DTX4: variants seen among roughly 807,000 people sequenced by gnomAD.
DTX4 encodes the protein E3 ubiquitin-protein ligase DTX4.
In DTX4, 28 loss-of-function variants were observed where a neutral mutation model predicts 57.6. The observed-to-expected ratio is 0.49, with a 90% CI of 0.36 to 0.67. The LOEUF is 0.67. Ranked by LOEUF, DTX4 falls within the 30% of genes least tolerant of loss-of-function variation. DTX4 has a pLI of 0.00. For missense variants in DTX4, 715 were observed against 836.8 expected, an observed-to-expected ratio of 0.85 and a Z score of 1.80; for synonymous variants, 316 against 331.0, an observed-to-expected ratio of 0.95 and a Z score of 0.49.
At position 59,189,291 on chromosome 11, in the gene DTX4, G is replaced by A; in HGVS notation, c.1127G>A (p.Ser376Asn). 6.4e-7 allele frequency: 1 copy of A among 1,565,014 alleles called. No individual in the cohort carries two copies. The change falls in exon 4 of 9, where the codon AGC (serine) becomes AAC (asparagine). Residue 376 changes from serine to asparagine, a missense_variant. Ser to Asn is a conservative substitution (Grantham distance 46). Coordinates refer to ENST00000227451, the MANE Select transcript of DTX4 (RefSeq NM_015177.2). Reference protein sequence around the residue: ...IKSIPGVSNTSRKTTKKQAKK... With the variant: ...IKSIPGVSNTNRKTTKKQAKK... ...TCCATCCCAGGGGTTTCCAACACAA[G>A]CCGCAAGACCACCAAAAAACAAGCC...
chr11:59,195,924 A>G (rs1055509572), intron 7 of DTX4, among the ~76,000 whole-genome samples: 3 of 152,214 alleles, frequency 2.0e-5, no homozygotes, highest in Non-Finnish European at 4.4e-5. Flanking sequence ...TTGTAATTTG[A>G]TAGCTATACT....
At chr11:59,173,187 C>T (rs749277725) in intron 1 of DTX4, among the ~76,000 whole-genome samples, 11 of 152,336 alleles carry the variant, frequency 7.2e-5, no homozygotes, top group Non-Finnish European at 1.6e-4. Context: ...CTGCCCTCAT[C>T]CCGTGGCGGC....
Position 59,172,712 on chromosome 11 carries a change from CGCGGGGGGCA to C in DTX4, c.121_130del (p.Gly41TrpfsTer20). On this transcript the variant is annotated frameshift_variant, in exon 1 of 9. Coordinates refer to ENST00000227451, the MANE Select transcript of DTX4 (RefSeq NM_015177.2). LOFTEE classifies it high-confidence loss of function. ...AGGCGGTGGTCCGCGCCGGCCCCCG[CGCGGGGGGCA>C]GCGTGGTGCTGGGCCAGGTGGACAG... 6.2e-7 allele frequency: 1 copy of C among 1,602,852 alleles called. No homozygotes were observed. The highest frequency in any genetic ancestry group is 8.5e-7 in the Non-Finnish European group (1 of 1,176,434).
rs760615287 is a variant in DTX4, at chr11:59,195,301, C to T, written c.1468C>T (p.His490Tyr). ...GAAGATGGAGTACCACCTCATCCCC[C>T]ACTCCTTGCCTGGCCACCCAGACTG... is the stretch of plus-strand genomic sequence containing the variant. Reference protein sequence around the residue: ...PGKMEYHLIPHSLPGHPDCKT... With the variant: ...PGKMEYHLIPYSLPGHPDCKT... Residue 490 changes from histidine to tyrosine, a missense_variant, in exon 7 of 9, where the codon CAC becomes TAC. His to Tyr is a moderately conservative substitution (Grantham distance 83). Transcript: ENST00000227451. 2.5e-6 allele frequency: 4 copies of T among 1,613,966 alleles called. No individual in the cohort carries two copies. Among genetic ancestry groups the T allele is most frequent in the Non-Finnish European group, 3.4e-6 (4 of 1,179,854 alleles).
chr11:59,189,964 T>C (rs1862576351), intron 4 of DTX4, among the ~76,000 whole-genome samples: 2 of 152,330 alleles, frequency 1.3e-5, no homozygotes, highest in South Asian at 4.2e-4. Flanking sequence ...CATTAGTTGT[T>C]AAATTTGACC....
intron 7 of DTX4, among the ~76,000 whole-genome samples, 168 bp downstream of exon 7, chr11:59,195,537 A>T (rs941848973): frequency 6.6e-6 from 1 of 151,780 alleles, no homozygotes; most frequent in African/African-American, 2.4e-5. Context: ...TATTGTTCTG[A>T]CTTTCCTATG....
rs753981551 is a variant in DTX4 at position 59,204,945 on chromosome 11, G to A, written c.*36G>A. On this transcript the variant is annotated 3_prime_UTR_variant, in exon 9 of 9. Coordinates refer to ENST00000227451, the MANE Select transcript of DTX4 (RefSeq NM_015177.2). ...GCTTTGAGGTGGGAGGGGCCATGGA[G>A]ACTGCAGGACAGGAAGTGAGGAGAG... is the stretch of plus-strand genomic sequence containing the variant. 2.6e-6 allele frequency: 4 copies of A among 1,527,116 alleles called. No individual in the cohort carries two copies. In the Admixed American group the frequency reaches 7.8e-5, roughly 30 times the overall value. The allele number at this position is 1,527,116 out of a possible 1,614,324, so 94.6% of individuals were successfully genotyped here.
chr11:59,181,604 A>G lies in DTX4; in HGVS notation c.212-135A>G. On this transcript the variant is annotated intron_variant, in intron 1 of 8. Transcript: ENST00000227451. ...GAGTTTCATTCAAAGCTGGCACTTC[A>G]GGCAGTGTCATGCCCAGTACACAGT... 4 of 1,259,306 alleles carry G rather than the reference A, an allele frequency of 3.2e-6. No individual in the cohort carries two copies. The South Asian group carries it at 6.1e-5, about 19-fold the overall frequency. The allele number at this position is 1,259,306 out of a possible 1,614,324, so 78.0% of individuals were successfully genotyped here.
At position 59,205,989 on chromosome 11, in the gene DTX4, A is replaced by G. The variant is rs918236439; in HGVS notation, c.*1080A>G. The stretch of plus-strand genomic sequence containing the variant: ...CTTTGACGTTCCTCACCTGTTGCCA[A>G]CCTATCCCGTAGTGAACTGAAACCC... On this transcript the variant is annotated 3_prime_UTR_variant, in exon 9 of 9. Transcript: ENST00000227451. 3.3e-5 allele frequency: 5 copies of G among 152,474 alleles called. No homozygotes were observed. The highest frequency in any genetic ancestry group is 1.3e-4 in the Admixed American group (2 of 15,308). The allele number at this position is 152,474 out of a possible 1,614,324, so 9.4% of individuals were successfully genotyped here. A position where few individuals can be genotyped will look rare whatever the true frequency, so the allele number is the denominator to read the frequency against.
Position 59,204,703 on chromosome 11 carries a change from G to T in DTX4, c.1654G>T (p.Asp552Tyr), listed in dbSNP as rs370876471. Reference protein sequence around the residue: ...KVLKLLLVAWDRRLIFAIGTS... With the variant: ...KVLKLLLVAWYRRLIFAIGTS... The stretch of plus-strand genomic sequence containing the variant: ...TCTGAAGCTGCTGCTCGTGGCCTGG[G>T]ATCGCCGCCTCATTTTTGCCATTGG... The change falls in exon 9 of 9, where the codon GAT (aspartate) becomes TAT (tyrosine). Residue 552 changes from aspartate to tyrosine, a missense_variant. Transcript: ENST00000227451. 4 of 1,613,458 alleles carry T rather than the reference G, an allele frequency of 2.5e-6. No individual in the cohort carries two copies. Among genetic ancestry groups the T allele is most frequent in the Non-Finnish European group, 3.4e-6 (4 of 1,179,672 alleles).
chr11:59,178,406 C>T (rs1862421239), intron 1 of DTX4, among the ~76,000 whole-genome samples: 2 of 152,214 alleles, frequency 1.3e-5, no homozygotes, highest in Admixed American at 1.3e-4. Context: ...CATAAATAGT[C>T]ATTCACACAC....
In DTX4 at chr11:59,177,701, A is replaced by AC. The variant is rs202116073; in HGVS notation, c.212-4031dup. On this transcript the variant is annotated intron_variant, in intron 1 of 8. Transcript: ENST00000227451. Reference sequence around the variant, plus strand: ...CCTTTAGAGTTCTCTGACACCCTTCACCCCCCCAGCTAGCCTTGAGGTCCC... The same window carrying AC: ...CCTTTAGAGTTCTCTGACACCCTTCACCCCCCCCAGCTAGCCTTGAGGTCCC... Among the ~76,000 whole-genome samples, 1,313 of 150,092 alleles carry AC rather than the reference A, an allele frequency of 8.7e-3. 13 individuals carry two copies. The highest frequency in any genetic ancestry group is 0.011 in the Non-Finnish European group (733 of 67,518).
chr11:59,189,029 G>C, intron 3 of DTX4, 133 bp from the exon 4 acceptor site: 1 of 1,141,662 alleles, frequency 8.8e-7, no homozygotes, highest in East Asian at 2.6e-5. Context: ...GGAAAGTACA[G>C]GGTAGAGAAT....
At chr11:59,179,587 C>T (rs1862437029) in intron 1 of DTX4, among the ~76,000 whole-genome samples, 1 of 152,230 alleles carries the variant, frequency 6.6e-6, no homozygotes, top group African/African-American at 2.4e-5. Flanking sequence ...CCCCTGGGTC[C>T]CCTCTCTGCT....
At chr11:59,193,841 G>T (rs114511810) in intron 6 of DTX4, among the ~76,000 whole-genome samples, 1 of 152,214 alleles carries the variant, frequency 6.6e-6, no homozygotes, top group East Asian at 1.9e-4. Context: ...TAAGCGAGTA[G>T]ACTGGAGAAG....
chr11:59,203,498 T>A (rs1307114462), intron 8 of DTX4, among the ~76,000 whole-genome samples: 6 of 152,174 alleles, frequency 3.9e-5, no homozygotes, highest in Non-Finnish European at 8.8e-5. Flanking sequence ...CACATCCATA[T>A]CTTATCCTGC....
chr11:59,179,564 G>C (rs1029134129), intron 1 of DTX4, among the ~76,000 whole-genome samples: 14 of 152,250 alleles, frequency 9.2e-5, no homozygotes, highest in Admixed American at 7.2e-4. Context: ...CCCACTTTTC[G>C]GTAGGGGCAC....
intron 4 of DTX4, 108 bp downstream of exon 4, chr11:59,189,431 TCAATTTCTG>T: frequency 8.8e-7 from 1 of 1,134,912 alleles, no homozygotes; most frequent in African/African-American, 1.6e-5. Context: ...CCTCTGTGCC[TCAATTTCTG>T]CATCTGTAAG....
chr11:59,172,834 C>A, intron 1 of DTX4, 28 bp downstream of exon 1: 2 of 1,488,836 alleles, frequency 1.3e-6, no homozygotes, highest in East Asian at 2.7e-5. Context: ...GACCCCGCCC[C>A]GCCTGCTCCC....
Sources: allele counts gnomAD v4.1 joint callset (sites outside exome capture counted in the v4.1 genomes callset), GRCh38; gene constraint gnomAD v4.1.1; transcripts MANE v1.5; gene names NCBI Gene and HGNC (gene_info 2026-07-23, HGNC 2026-07-21).